The following PTK2B variants were observed in gnomAD, a reference collection of about 807,000 sequenced individuals.
PTK2B encodes protein-tyrosine kinase 2-beta.
Under a neutral mutation model 142.9 loss-of-function variants are expected in PTK2B, and 71 were observed. The ratio of observed to expected loss-of-function variants is 0.50; its 90% CI spans 0.41 to 0.61. The LOEUF (loss-of-function observed/expected upper bound fraction) is 0.61, where lower values mean the gene tolerates loss of function less well. PTK2B is among the 20% of genes least tolerant of loss of function. PTK2B has a pLI of 0.00. For synonymous variants in PTK2B, 519 were observed against 503.4 expected, an observed-to-expected ratio of 1.03 and a Z score of -0.42; for missense variants, 1,105 against 1,320.4, an observed-to-expected ratio of 0.84 and a Z score of 2.53.
chr8:27,361,616 T>G (rs1391257756), intron 1 of PTK2B, among the ~76,000 whole-genome samples: 1 of 152,028 alleles, frequency 6.6e-6, no homozygotes, highest in Non-Finnish European at 1.5e-5. Flanking sequence ...GGAGGGACCT[T>G]GGATAGGGGG....
upstream of PTK2B, among the ~76,000 whole-genome samples, chr8:27,324,004 C>T (rs1430129917): frequency 6.6e-6 from 1 of 152,182 alleles, no homozygotes; most frequent in African/African-American, 2.4e-5. Flanking sequence ...CTAGTACAGA[C>T]TCTCAACAAC....
chr8:27,375,630 T>C (rs1002812588), intron 1 of PTK2B, among the ~76,000 whole-genome samples: 9 of 152,190 alleles, frequency 5.9e-5, no homozygotes, highest in Admixed American at 6.5e-5. Flanking sequence ...GGTCATAAGC[T>C]ACTAGGTAGT....
chr8:27,407,809 C>G (rs962958803), intron 2 of PTK2B, among the ~76,000 whole-genome samples: 2 of 152,154 alleles, frequency 1.3e-5, no homozygotes, highest in African/African-American at 4.8e-5. Context: ...ATCCTTCCCC[C>G]CTTACCCATC....
chr8:27,434,002 G>A (rs1158780282), intron 11 of PTK2B, 91 bp from the exon 12 acceptor site: 1 of 1,462,156 alleles, frequency 6.8e-7, no homozygotes, highest in Non-Finnish European at 9.6e-7. Context: ...GATGGGAGGA[G>A]AGTCCCTTGT....
chr8:27,346,001 A>G (rs1468650395), intron 1 of PTK2B, among the ~76,000 whole-genome samples: 1 of 152,240 alleles, frequency 6.6e-6, no homozygotes, highest in Admixed American at 6.5e-5. Context: ...TCCCCAAAAA[A>G]AGATTCATGT....
rs73679167 is a variant in PTK2B, at chr8:27,335,977, C to T, written c.-38+10296C>T. On this transcript the variant is annotated intron_variant, in intron 1 of 30. Coordinates refer to ENST00000346049, the MANE Select transcript of PTK2B (RefSeq NM_173176.3). The stretch of plus-strand genomic sequence containing the variant: ...CCCTTGAGTCCCCTCCATGGATCTC[C>T]TGGGGTGCAGGTCATCTGGAATTCT... Among the ~76,000 whole-genome samples the T allele has an allele frequency of 9.6e-3, 1,458 of 152,264 alleles. 26 individuals are homozygous for T. Among genetic ancestry groups the T allele is most frequent in the African/African-American group, 0.033 (1,377 of 41,542 alleles).
At chr8:27,380,781 C>G (rs1035999596) in intron 1 of PTK2B, 2 of 152,174 alleles carry the variant, frequency 1.3e-5, no homozygotes, top group African/African-American at 4.8e-5. Flanking sequence ...AGTGGAGAGG[C>G]CTCACCATGT....
chr8:27,330,347 G>A (rs1055443363), intron 1 of PTK2B, among the ~76,000 whole-genome samples: 2 of 152,130 alleles, frequency 1.3e-5, no homozygotes, highest in Non-Finnish European at 2.9e-5. Context: ...CCTCTTCTGC[G>A]AGGCATCAGG....
At chr8:27,413,978 A>G (rs1385413455) in intron 2 of PTK2B, among the ~76,000 whole-genome samples, 2 of 152,182 alleles carry the variant, frequency 1.3e-5, no homozygotes, top group African/African-American at 4.8e-5. Flanking sequence ...ACTCATTCCT[A>G]TCATATATTT....
intron 2 of PTK2B, among the ~76,000 whole-genome samples, chr8:27,399,223 G>A (rs1808236491): frequency 6.6e-6 from 1 of 152,142 alleles, no homozygotes; most frequent in Admixed American, 6.5e-5. Flanking sequence ...GAAAAACAGA[G>A]AGCAGCAGGT....
rs138389085 is a variant in PTK2B at position 27,390,510 on chromosome 8, A to C, written c.-37-7038A>C. 5.2e-3 allele frequency among the ~76,000 whole-genome samples: 784 copies of C among 152,188 alleles called. 4 individuals are homozygous for C. The highest frequency in any genetic ancestry group is 0.018 in the African/African-American group (732 of 41,516). On this transcript the variant is annotated intron_variant, in intron 1 of 30. Coordinates refer to ENST00000346049, the MANE Select transcript of PTK2B (RefSeq NM_173176.3). ...AAAAAATTGAACTAGGCATGGTGGC[A>C]TGTACCTGTAGTCCCAGCTACTTGG...
chr8:27,350,992 T>A (rs56298246), intron 1 of PTK2B, among the ~76,000 whole-genome samples: 3,753 of 6,032 alleles, frequency 0.62, 1,327 homozygotes, highest in Middle Eastern at 0.7. Flanking sequence ...AAAAAAAAAA[T>A]ATATATATAT....
chr8:27,433,544 C>G lies in PTK2B; in HGVS notation c.1097C>G (p.Pro366Arg). The G allele has an allele frequency of 6.2e-7, 1 of 1,613,336 alleles. No homozygotes were observed. Among genetic ancestry groups the G allele is most frequent in the Non-Finnish European group, 8.5e-7 (1 of 1,179,276 alleles). The change falls in exon 11 of 31, where the codon CCT (proline) becomes CGT (arginine). Residue 366 changes from proline to arginine, a missense_variant. Pro to Arg is a moderately radical substitution (Grantham distance 103). Coordinates refer to ENST00000346049, the MANE Select transcript of PTK2B (RefSeq NM_173176.3). ...GEHQGSLIIH[P>R]RKDGEKRNSL... Reference sequence around the variant, plus strand: ...CACCAAGGCTCTCTCATCATCCATCCTAGGAAAGGTGGGTTCCATTTAAAG... The same window carrying G: ...CACCAAGGCTCTCTCATCATCCATCGTAGGAAAGGTGGGTTCCATTTAAAG...
chr8:27,452,974 C>G, intron 27 of PTK2B, 140 bp from the exon 28 acceptor site: 2 of 982,796 alleles, frequency 2.0e-6, no homozygotes, highest in South Asian at 3.3e-5. Flanking sequence ...CCTTCCCCTG[C>G]CCGCTTCCTG....
intron 1 of PTK2B, among the ~76,000 whole-genome samples, chr8:27,343,523 C>T (rs1051948095): frequency 2.6e-5 from 4 of 152,124 alleles, no homozygotes; most frequent in African/African-American, 9.7e-5. Context: ...AATGACTGCC[C>T]TTTTATGCTT....
chr8:27,360,885 G>A (rs746411910), intron 1 of PTK2B, among the ~76,000 whole-genome samples: 24 of 152,238 alleles, frequency 1.6e-4, no homozygotes, highest in Non-Finnish European at 2.8e-4. Context: ...AATTATTCTC[G>A]AAATAAAACG....
In PTK2B at chr8:27,437,154, C is replaced by G. The variant is rs55718452; in HGVS notation, c.1374C>G (p.Thr458=). The G allele has an allele frequency of 6.2e-7, 1 of 1,614,080 alleles. No homozygotes were observed. Among genetic ancestry groups the G allele is most frequent in the South Asian group, 1.1e-5 (1 of 91,062 alleles). Reference sequence around the variant, plus strand: ...AGAAAATCAATGTAGCTGTCAAGACCTGCAAGAAAGACTGCACTCTGGACA... The same window carrying G: ...AGAAAATCAATGTAGCTGTCAAGACGTGCAAGAAAGACTGCACTCTGGACA... ...KGEKINVAVK[T]CKKDCTLDNK... is the part of the protein sequence containing the mutation. The change falls in exon 16 of 31, where the codon ACC becomes ACG. Residue 458 remains threonine, a synonymous_variant. Transcript: ENST00000346049.
intron 24 of PTK2B, among the ~76,000 whole-genome samples, chr8:27,450,480 G>A (rs1811729951): frequency 6.6e-6 from 1 of 152,190 alleles, no homozygotes; most frequent in South Asian, 2.1e-4. Context: ...AATATCATGA[G>A]CAGATCGTGT....
intron 10 of PTK2B, among the ~76,000 whole-genome samples, chr8:27,432,970 G>A (rs1233393661): frequency 6.6e-6 from 1 of 152,088 alleles, no homozygotes; most frequent in Admixed American, 6.6e-5. Context: ...GGGACTACAG[G>A]TGCATGCCAC....
Sources: allele counts gnomAD v4.1 joint callset (sites outside exome capture counted in the v4.1 genomes callset), GRCh38; gene constraint gnomAD v4.1.1; transcripts MANE v1.5; gene names NCBI Gene and HGNC (gene_info 2026-07-23, HGNC 2026-07-21).